Variants in NLK observed in about 807,000 individuals in gnomAD.
NLK encodes serine/threonine-protein kinase NLK.
In NLK, 11 loss-of-function variants were observed where a neutral mutation model predicts 59.0. The observed-to-expected ratio is 0.19, with a 90% CI of 0.12 to 0.31. The LOEUF is 0.31. Ranked by LOEUF, NLK falls within the 10% of genes least tolerant of loss-of-function variation. The pLI is 1.00. For synonymous variants in NLK, 235 were observed against 235.9 expected, an observed-to-expected ratio of 1.00 and a Z score of 0.03; for missense variants, 410 against 661.1, an observed-to-expected ratio of 0.62 and a Z score of 4.16.
In NLK at chr17:28,046,814, A is replaced by G. The variant is rs545317388; in HGVS notation, c.458+3483A>G. On this transcript the variant is annotated intron_variant, in intron 1 of 10. Transcript: ENST00000407008. ...ATCAGAGATGGAATTAATGGCACATATTGCCACCTTGGTAAAAGTGAGTCT... is the reference window on the plus strand; with the variant it reads ...ATCAGAGATGGAATTAATGGCACATGTTGCCACCTTGGTAAAAGTGAGTCT... Among the ~76,000 whole-genome samples the G allele has an allele frequency of 1.3e-3, 197 of 152,306 alleles. 1 individual carries two copies. Among genetic ancestry groups the G allele is most frequent in the African/African-American group, 4.4e-3 (184 of 41,570 alleles).
chr17:28,137,118 C>T (rs1216537615), intron 3 of NLK, among the ~76,000 whole-genome samples: 1 of 152,056 alleles, frequency 6.6e-6, no homozygotes. Context: ...TGTAGTGTCT[C>T]CGAAATATGG....
chr17:28,146,162 A>AT (rs539078349), intron 3 of NLK, among the ~76,000 whole-genome samples: 24 of 152,038 alleles, frequency 1.6e-4, no homozygotes, highest in African/African-American at 4.6e-4. Context: ...TCAAATCCTG[A>AT]TTTTTTTTCC....
chr17:28,124,904 C>T (rs1245232214), intron 2 of NLK, among the ~76,000 whole-genome samples: 1 of 152,036 alleles, frequency 6.6e-6, no homozygotes, highest in African/African-American at 2.4e-5. Context: ...AAAAAATTAG[C>T]TGGGTTTGGT....
intron 7 of NLK, among the ~76,000 whole-genome samples, chr17:28,178,480 C>T (rs1335980584): frequency 1.3e-5 from 2 of 152,184 alleles, no homozygotes; most frequent in Non-Finnish European, 2.9e-5. Context: ...ATAGCTGCCA[C>T]AGCCCACGTA....
chr17:28,194,243 C>G lies in NLK; in HGVS notation c.1530-339C>G, dbSNP rs74606013. ...GAAGTAGGCACTGTGGAAAATACTT[C>G]ACATCTATTATCATTTATTCATCCC... On this transcript the variant is annotated intron_variant, in intron 10 of 10. Coordinates refer to ENST00000407008, the MANE Select transcript of NLK (RefSeq NM_016231.5). Among the ~76,000 whole-genome samples, 50 of 152,300 alleles carry G rather than the reference C, an allele frequency of 3.3e-4. 1 individual carries two copies. The East Asian group carries it at 8.3e-3, about 25-fold the overall frequency.
intron 8 of NLK, among the ~76,000 whole-genome samples, chr17:28,188,791 A>G (rs72843969): frequency 0.028 from 4,232 of 152,302 alleles, 99 homozygotes; most frequent in Non-Finnish European, 0.048. Flanking sequence ...ACCATTGACC[A>G]TAATTAAATC....
At chr17:28,174,920 T>C (rs1027201468) in intron 7 of NLK, among the ~76,000 whole-genome samples, 1 of 152,086 alleles carries the variant, frequency 6.6e-6, no homozygotes, top group African/African-American at 2.4e-5. Context: ...ATTCATGTTA[T>C]AGCTATTTAC....
chr17:28,116,058 A>G lies in NLK; in HGVS notation c.459-6545A>G, dbSNP rs1053431423. On this transcript the variant is annotated intron_variant, in intron 1 of 10. Transcript: ENST00000407008. The stretch of plus-strand genomic sequence containing the variant: ...TCCTAGATCTCATGTCATTTCACCT[A>G]TTTATACTTATAAGTATGCATCTCT... 7.9e-5 allele frequency among the ~76,000 whole-genome samples: 12 copies of G among 152,268 alleles called. No individual in the cohort carries two copies. The East Asian group carries it at 1.3e-3, about 17-fold the overall frequency.
At chr17:28,176,482 A>C (rs1908685980) in intron 7 of NLK, among the ~76,000 whole-genome samples, 1 of 152,192 alleles carries the variant, frequency 6.6e-6, no homozygotes, top group Non-Finnish European at 1.5e-5. Context: ...TCACAATAAC[A>C]CTATAATGTA....
intron 4 of NLK, 83 bp from the exon 5 acceptor site, chr17:28,163,460 T>C: frequency 1.3e-6 from 1 of 789,928 alleles, no homozygotes. Flanking sequence ...AATCCTCTAC[T>C]GTTTTCTTCC....
downstream of NLK, among the ~76,000 whole-genome samples, chr17:28,197,871 C>T (rs537507501): frequency 6.6e-6 from 1 of 152,066 alleles, no homozygotes; most frequent in South Asian, 2.1e-4. Flanking sequence ...TTAACAGAGC[C>T]TCACCAAAGG....
At position 28,191,181 on chromosome 17, in the gene NLK, C is replaced by G. The variant is rs1909293383; in HGVS notation, c.1397C>G (p.Thr466Ser). ...GTCACCAATCCCAAATTTGATGACA[C>G]TTTCGAGAAGAACCTCAGTTCTGTC... ...EPVTNPKFDD[T>S]FEKNLSSVRQ... The change falls in exon 9 of 11, where the codon ACT becomes AGT. Residue 466 changes from threonine (T) to serine (S), a missense_variant. Around this residue, in one of 5 missense-constraint regions of NLK, gnomAD observed 150 missense variants for 244.3 expected, o/e 0.61. Coordinates refer to ENST00000407008, the MANE Select transcript of NLK (RefSeq NM_016231.5). 6.2e-7 allele frequency: 1 copy of G among 1,613,148 alleles called. No homozygotes were observed. The highest frequency in any genetic ancestry group is 1.7e-5 in the Admixed American group (1 of 59,776).
chr17:28,200,020 C>T (rs565371077), downstream of NLK, among the ~76,000 whole-genome samples: 12 of 152,216 alleles, frequency 7.9e-5, no homozygotes, highest in Non-Finnish European at 1.3e-4. Flanking sequence ...AGAGGTGATC[C>T]GATCTGTGCT....
intron 1 of NLK, among the ~76,000 whole-genome samples, chr17:28,106,160 G>A (rs1156239713): frequency 6.6e-6 from 1 of 152,054 alleles, no homozygotes; most frequent in African/African-American, 2.4e-5. Context: ...ATATTTTATT[G>A]AAAACATGCC....
intron 3 of NLK, among the ~76,000 whole-genome samples, chr17:28,141,460 C>G (rs535596773): frequency 6.6e-6 from 1 of 152,110 alleles, no homozygotes; most frequent in African/African-American, 2.4e-5. Context: ...AATGCTGTTG[C>G]GGTTGCTTGT....
chr17:28,093,490 A>T (rs182857928), intron 1 of NLK, among the ~76,000 whole-genome samples: 184 of 152,314 alleles, frequency 1.2e-3, no homozygotes, highest in African/African-American at 4.3e-3. Context: ...AAATTCTGTG[A>T]AATGTGATGG....
chr17:28,156,231 T>G (rs572673073), intron 3 of NLK, among the ~76,000 whole-genome samples: 1 of 152,312 alleles, frequency 6.6e-6, no homozygotes, highest in Admixed American at 6.5e-5. Flanking sequence ...TTAATCATTT[T>G]GCCAATCTCA....
At chr17:28,181,320 A>G (rs1364144707) in intron 7 of NLK, among the ~76,000 whole-genome samples, 1 of 152,052 alleles carries the variant, frequency 6.6e-6, no homozygotes, top group Non-Finnish European at 1.5e-5. Context: ...AATCGCTTCA[A>G]CCTGGGAGGT....
intron 1 of NLK, among the ~76,000 whole-genome samples, chr17:28,074,661 A>G (rs190163992): frequency 3.5e-4 from 53 of 152,288 alleles, no homozygotes; most frequent in African/African-American, 1.0e-3. Flanking sequence ...TTAGGTGTCC[A>G]TTGGCAAAGC....
Sources: gnomAD v4.1 joint callset for allele counts (sites outside exome capture counted in the v4.1 genomes callset) on GRCh38, gnomAD v4.1.1 for gene constraint, gnomAD v4.1.1 regional missense constraint, MANE v1.5 for transcripts, NCBI Gene and HGNC (gene_info 2026-07-23, HGNC 2026-07-21) for gene names.